SLC41A3: variants seen among roughly 807,000 people sequenced by gnomAD.
SLC41A3 encodes SLC41A1-like 2.
A neutral mutation model predicts 45.4 loss-of-function variants in SLC41A3; 44 were observed. That is an observed-to-expected ratio of 0.97 (90% CI 0.76 to 1.25). The LOEUF (loss-of-function observed/expected upper bound fraction) is 1.25, where lower values mean the gene tolerates loss of function less well. Ranked by LOEUF, SLC41A3 falls within the 50% of genes most tolerant of loss-of-function variation. The pLI is 0.00. For missense variants in SLC41A3, 550 were observed against 600.6 expected, an observed-to-expected ratio of 0.92 and a Z score of 0.88; for synonymous variants, 256 against 252.4, an observed-to-expected ratio of 1.01 and a Z score of -0.13.
At chr3:126,079,122 G>A (rs1413883645) in intron 1 of SLC41A3, 1 of 151,910 alleles carries the variant, frequency 6.6e-6, no homozygotes, top group African/African-American at 2.4e-5. Context: ...AGAAAGGCAG[G>A]GCTTGGATGT....
At chr3:126,094,996 C>T (rs72965944) in intron 1 of SLC41A3, among the ~76,000 whole-genome samples, 18,063 of 152,210 alleles carry the variant, frequency 0.12, 2,044 homozygotes, top group African/African-American at 0.29. Flanking sequence ...ACAATTGAAT[C>T]TAGCATTATT....
At chr3:126,042,889 A>G (rs556807758) in intron 3 of SLC41A3, among the ~76,000 whole-genome samples, 10 of 152,276 alleles carry the variant, frequency 6.6e-5, no homozygotes, top group African/African-American at 2.2e-4. Context: ...AAAAGTGAAT[A>G]AAACTTAATG....
chr3:126,054,758 T>C (rs549333935), intron 2 of SLC41A3, among the ~76,000 whole-genome samples: 39 of 152,100 alleles, frequency 2.6e-4, no homozygotes, highest in Non-Finnish European at 5.3e-4. Context: ...AAACACCTCC[T>C]TGTGGCCTCC....
In SLC41A3 at chr3:126,012,610, C is replaced by T. The variant is rs752465790; in HGVS notation, c.1105+5G>A. 8 of 1,613,868 alleles carry T rather than the reference C, an allele frequency of 5.0e-6. No homozygotes were observed. Among genetic ancestry groups the T allele is most frequent in the South Asian group, 4.4e-5 (4 of 91,066 alleles). ...ATCATGGCCTCTGAAAGACATGACA[C>T]CCACCTGACGTGCAGAAAGTAGAAC... On this transcript the variant is annotated splice_donor_5th_base_variant and intron_variant, in intron 9 of 10. Coordinates refer to ENST00000360370, the MANE Select transcript of SLC41A3 (RefSeq NM_017836.4).
chr3:126,072,608 T>C (rs1944677940), intron 1 of SLC41A3, among the ~76,000 whole-genome samples: 2 of 152,060 alleles, frequency 1.3e-5, no homozygotes, highest in Non-Finnish European at 2.9e-5. Context: ...TATTAAAAAG[T>C]CAAAAAATAA....
chr3:126,013,836 C>A (rs778723425), intron 8 of SLC41A3, among the ~76,000 whole-genome samples: 1 of 152,050 alleles, frequency 6.6e-6, no homozygotes, highest in Non-Finnish European at 1.5e-5. Context: ...GGAAACAGGA[C>A]GAGCGGGGTC....
chr3:126,094,374 A>T (rs1945552433), intron 1 of SLC41A3, among the ~76,000 whole-genome samples: 1 of 152,256 alleles, frequency 6.6e-6, no homozygotes, highest in Non-Finnish European at 1.5e-5. Context: ...CACTAAGTAA[A>T]GAGAAACTGG....
chr3:126,057,058 G>A, intron 2 of SLC41A3: 1 of 995,472 alleles, frequency 1.0e-6, no homozygotes, highest in Non-Finnish European at 1.2e-6. Context: ...TTCCCCTCCT[G>A]GCAGAGGAGG....
intron 2 of SLC41A3, among the ~76,000 whole-genome samples, chr3:126,055,845 C>T (rs373777481): frequency 1.0e-3 from 158 of 152,178 alleles, no homozygotes; most frequent in African/African-American, 3.7e-3. Flanking sequence ...GGCTGCAAAC[C>T]TTGTCCTTTT....
In SLC41A3 at chr3:126,033,603, T is replaced by G; in HGVS notation, c.453+4A>C. ...AGGGAGGGTCGGACAAGGTGAAGAC[T>G]CACCTGGATGAGGGCCAGGTTGCTG... On this transcript the variant is annotated splice_donor_region_variant and intron_variant, in intron 4 of 10. Coordinates refer to ENST00000360370, the MANE Select transcript of SLC41A3 (RefSeq NM_017836.4). 2 of 1,611,510 alleles carry G rather than the reference T, an allele frequency of 1.2e-6. No individual in the cohort carries two copies. Among genetic ancestry groups the G allele is most frequent in the Non-Finnish European group, 1.7e-6 (2 of 1,179,390 alleles).
intron 3 of SLC41A3, among the ~76,000 whole-genome samples, chr3:126,044,621 C>T (rs776827877): frequency 1.3e-4 from 20 of 152,056 alleles, no homozygotes; most frequent in African/African-American, 3.1e-4. Context: ...GAGGGCCGGG[C>T]GCAGTGGCTC....
upstream of SLC41A3, chr3:126,084,410 T>G (rs17523366): frequency 6.6e-6 from 1 of 152,000 alleles, no homozygotes; most frequent in Non-Finnish European, 1.5e-5. Context: ...GAGAGGCGCC[T>G]ATGCGGCTGC....
At chr3:126,029,949 T>C (rs1941671408) in intron 4 of SLC41A3, among the ~76,000 whole-genome samples, 1 of 151,938 alleles carries the variant, frequency 6.6e-6, no homozygotes, top group South Asian at 2.1e-4. Flanking sequence ...GCATTGCAAA[T>C]CAGGATGGAA....
At chr3:126,066,589 T>C (rs1193276593) in intron 2 of SLC41A3, among the ~76,000 whole-genome samples, 3 of 152,178 alleles carry the variant, frequency 2.0e-5, no homozygotes, top group Non-Finnish European at 4.4e-5. Context: ...CATTTCCCTG[T>C]GGTACTGGAG....
At chr3:126,076,873 A>G (rs1216261720) in intron 1 of SLC41A3, among the ~76,000 whole-genome samples, 1 of 152,178 alleles carries the variant, frequency 6.6e-6, no homozygotes, top group East Asian at 1.9e-4. Flanking sequence ...CTTTCAGTTG[A>G]CATTAGATTT....
chr3:126,048,533 T>C (rs1343044949), intron 3 of SLC41A3, among the ~76,000 whole-genome samples: 1 of 152,238 alleles, frequency 6.6e-6, no homozygotes, highest in Non-Finnish European at 1.5e-5. Context: ...AAGGCAAGCA[T>C]ATCACTAATA....
At chr3:126,067,508 G>A in intron 2 of SLC41A3, 1 of 390,796 alleles carries the variant, frequency 2.6e-6, no homozygotes, top group Non-Finnish European at 5.0e-6. Flanking sequence ...AGAAAAGGCA[G>A]CCGTCTGCAA....
intron 3 of SLC41A3, among the ~76,000 whole-genome samples, chr3:126,037,774 C>A (rs1337456244): frequency 6.6e-6 from 1 of 152,206 alleles, no homozygotes; most frequent in African/African-American, 2.4e-5. Flanking sequence ...TAAAGAGCAA[C>A]CACTTTCTAG....
At chr3:126,046,865 G>A (rs182716709) in intron 3 of SLC41A3, among the ~76,000 whole-genome samples, 2 of 152,016 alleles carry the variant, frequency 1.3e-5, no homozygotes, top group East Asian at 3.9e-4. Context: ...GGGAGGCTGA[G>A]GCAGGAGAAT....
Sources: gnomAD v4.1 joint callset for allele counts (sites outside exome capture counted in the v4.1 genomes callset) on GRCh38, gnomAD v4.1.1 for gene constraint, MANE v1.5 for transcripts, NCBI Gene and HGNC (gene_info 2026-07-23, HGNC 2026-07-21) for gene names.